The following UBA6 variants were observed in gnomAD, a reference collection of about 807,000 sequenced individuals.
The protein encoded by UBA6 is ubiquitin-like modifier-activating enzyme 6.
In UBA6, 87 loss-of-function variants were observed where a neutral mutation model predicts 148.3. That is an observed-to-expected ratio of 0.59 (90% confidence interval 0.49 to 0.70). The LOEUF (loss-of-function observed/expected upper bound fraction) is 0.70. Ranked by LOEUF, UBA6 falls within the 30% of genes least tolerant of loss-of-function variation. The pLI is 0.00. For synonymous variants in UBA6, 376 were observed against 401.0 expected (o/e 0.94, Z 0.75); for missense variants, 1,186 against 1,241.2 (o/e 0.96, Z 0.67).
Position 67,634,338 on chromosome 4 carries a change from GA to G in UBA6, c.1933-17del, listed in dbSNP as rs772197677. On this transcript the variant is annotated splice_polypyrimidine_tract_variant and intron_variant, in intron 21 of 32. Coordinates refer to ENST00000322244, the MANE Select transcript of UBA6 (RefSeq NM_018227.6). ...AACTTTCAAACTGTAACAGAGAAAA[GA>G]AAAAAAAAATTACAAATAGAAGTCT... 622 of 1,505,872 alleles carry G rather than the reference GA, an allele frequency of 4.1e-4. 2 individuals are homozygous for G. The highest frequency in any genetic ancestry group is 9.3e-4 in the South Asian group (72 of 77,470). 93.3% of individuals were successfully genotyped at this position (1,505,872 alleles called of 1,614,324 possible). A position where few individuals can be genotyped will look rare whatever the true frequency, so the allele number is the denominator to read the frequency against.
rs1423893159 is a variant in UBA6, at chr4:67,634,262, A to G, written c.1993T>C (p.Ser665Pro). The G allele has an allele frequency of 6.3e-7, 1 of 1,596,742 alleles. No individual in the cohort carries two copies. Among genetic ancestry groups the G allele is most frequent in the East Asian group, 2.2e-5 (1 of 44,582 alleles). The change falls in exon 22 of 33, where the codon TCT becomes CCT. Residue 665 changes from serine (S) to proline (P), a missense_variant. Ser to Pro is a moderately conservative substitution (Grantham distance 74). Transcript: ENST00000322244. ...LFNKFWQTYS[S>P]AEEVLQKIQS... is the part of the protein sequence containing the mutation. ...TTTACCTGTAAGACTTCTTCTGCAG[A>G]TGAATAGGTTTGCCAAAATTTGTTA...
At chr4:67,690,344 A>G (rs1730666105) in intron 2 of UBA6, among the ~76,000 whole-genome samples, 1 of 152,132 alleles carries the variant, frequency 6.6e-6, no homozygotes, top group Non-Finnish European at 1.5e-5. Flanking sequence ...CTGCAACTAT[A>G]AAACTCCCAG....
intron 32 of UBA6, among the ~76,000 whole-genome samples, chr4:67,619,864 CCT>C (rs947885949): frequency 7.2e-5 from 11 of 152,162 alleles, no homozygotes; most frequent in Admixed American, 7.2e-4. Flanking sequence ...TCTACACACC[CCT>C]TACATCATTG....
intron 11 of UBA6, 155 bp downstream of exon 11, chr4:67,663,730 A>G: frequency 1.9e-6 from 1 of 523,876 alleles, no homozygotes; most frequent in Non-Finnish European, 3.4e-6. Flanking sequence ...TCAGAAGTCA[A>G]CTTTAGATAT....
rs569263435 is a variant in UBA6 at position 67,668,000 on chromosome 4, A to G, written c.793+551T>C. 2.8e-4 allele frequency among the ~76,000 whole-genome samples: 43 copies of G among 152,242 alleles called. No homozygotes were observed. In the South Asian group the frequency reaches 8.7e-3, roughly 31 times the overall value. On this transcript the variant is annotated intron_variant, in intron 9 of 32. Coordinates refer to ENST00000322244, the MANE Select transcript of UBA6 (RefSeq NM_018227.6). Reference sequence around the variant, plus strand: ...CCTTTAAATACTTCATTGCCACCTCATTTTACAAAGCTAAACTATACTCTT... The same window carrying G: ...CCTTTAAATACTTCATTGCCACCTCGTTTTACAAAGCTAAACTATACTCTT...
In UBA6 at chr4:67,622,873, T is replaced by G; in HGVS notation, c.2981A>C (p.Tyr994Ser). Reference sequence around the variant, plus strand: ...TGCATGACCAGGCATTACAGGAACATAAAGCATTTTGACTCCCTGTACCAC... The same window carrying G: ...TGCATGACCAGGCATTACAGGAACAGAAAGCATTTTGACTCCCTGTACCAC... ...TMVVQGVKML[Y>S]VPVMPGHAKR... The change falls in exon 32 of 33, where the codon TAT becomes TCT. Residue 994 changes from tyrosine (Y) to serine (S), a missense_variant. Coordinates refer to ENST00000322244, the MANE Select transcript of UBA6 (RefSeq NM_018227.6). The G allele has an allele frequency of 1.9e-6, 3 of 1,613,390 alleles. No individual in the cohort carries two copies. Among genetic ancestry groups the G allele is most frequent in the Non-Finnish European group, 2.5e-6 (3 of 1,179,644 alleles).
intron 9 of UBA6, among the ~76,000 whole-genome samples, chr4:67,666,637 C>A (rs1490879307): frequency 6.6e-6 from 1 of 151,952 alleles, no homozygotes; most frequent in Non-Finnish European, 1.5e-5. Flanking sequence ...ACACTTTGGG[C>A]AGCCAAGGCG....
intron 1 of UBA6, among the ~76,000 whole-genome samples, chr4:67,700,561 A>C (rs1730954322): frequency 1.3e-5 from 2 of 151,928 alleles, no homozygotes; most frequent in Admixed American, 6.6e-5. Flanking sequence ...GAAGTCAACA[A>C]AGGCCTCAGG....
intron 6 of UBA6, 121 bp downstream of exon 6, chr4:67,677,490 A>G (rs570974712): frequency 2.0e-6 from 1 of 489,462 alleles, no homozygotes; most frequent in South Asian, 3.7e-5. Flanking sequence ...TATGTCTTCT[A>G]CCTTGAAATT....
At chr4:67,662,127 T>A in intron 13 of UBA6, 62 bp downstream of exon 13, 1 of 1,485,476 alleles carries the variant, frequency 6.7e-7, no homozygotes, top group Non-Finnish European at 9.4e-7. Context: ...AGAATACTAA[T>A]ATACAGAACA....
At chr4:67,665,125 T>C in intron 10 of UBA6, 64 bp downstream of exon 10, 5 of 972,096 alleles carry the variant, frequency 5.1e-6, no homozygotes, top group Non-Finnish European at 7.7e-6. Context: ...GAGTAGTTAT[T>C]TGTCTCTTCT....
Position 67,614,995 on chromosome 4 carries a change from A to G in UBA6, c.*4002T>C, listed in dbSNP as rs137886781. On this transcript the variant is annotated 3_prime_UTR_variant, in exon 33 of 33. Transcript: ENST00000322244. ...TAGAGAAATGCAGAGTGACACTTCA[A>G]TGAGATACAATTGCACATCCACCAG... The G allele has an allele frequency of 3.3e-4, 51 of 152,366 alleles. No individual in the cohort carries two copies. The highest frequency in any genetic ancestry group is 1.2e-3 in the African/African-American group (50 of 41,592). 9.4% of individuals were successfully genotyped at this position (152,366 alleles called of 1,614,324 possible). A position where few individuals can be genotyped will look rare whatever the true frequency, so the allele number is the denominator to read the frequency against.
intron 2 of UBA6, among the ~76,000 whole-genome samples, chr4:67,692,336 T>A (rs1452564134): frequency 6.6e-6 from 1 of 152,048 alleles, no homozygotes; most frequent in Non-Finnish European, 1.5e-5. Flanking sequence ...TTGAAAAAAA[T>A]TGCCACAAAG....
At chr4:67,666,739 G>A (rs959181365) in intron 9 of UBA6, among the ~76,000 whole-genome samples, 23 of 152,020 alleles carry the variant, frequency 1.5e-4, no homozygotes, top group African/African-American at 4.8e-5. Context: ...GCCAGGTGTG[G>A]TGGCACACAC....
chr4:67,620,105 C>T (rs12502000), intron 32 of UBA6, among the ~76,000 whole-genome samples: 34,550 of 151,976 alleles, frequency 0.23, 4,077 homozygotes, highest in Middle Eastern at 0.27. Flanking sequence ...TTCTTTCCAC[C>T]ATTCATGATC....
At chr4:67,638,734 A>G (rs770887933) in intron 19 of UBA6, among the ~76,000 whole-genome samples, 1 of 152,174 alleles carries the variant, frequency 6.6e-6, no homozygotes, top group Non-Finnish European at 1.5e-5. Flanking sequence ...GGTGAAAAGT[A>G]CTCCATGAAA....
chr4:67,676,432 A>G (rs758433772), intron 6 of UBA6, among the ~76,000 whole-genome samples: 1 of 152,206 alleles, frequency 6.6e-6, no homozygotes, highest in Non-Finnish European at 1.5e-5. Flanking sequence ...ATGGTTATGA[A>G]TTCCCCAGGA....
chr4:67,638,000 GA>G (rs1292921915), intron 19 of UBA6, among the ~76,000 whole-genome samples: 3 of 151,082 alleles, frequency 2.0e-5, no homozygotes, highest in South Asian at 2.1e-4. Flanking sequence ...AAAGGATGAA[GA>G]AAAAAAGCTA....
At chr4:67,664,757 G>A (rs1200755838) in intron 10 of UBA6, among the ~76,000 whole-genome samples, 1 of 151,930 alleles carries the variant, frequency 6.6e-6, no homozygotes, top group African/African-American at 2.4e-5. Flanking sequence ...TAAAAACCAG[G>A]ATTAACAAGT....
Sources: gnomAD v4.1 joint callset for allele counts (sites outside exome capture counted in the v4.1 genomes callset) on GRCh38, gnomAD v4.1.1 for gene constraint, MANE v1.5 for transcripts, NCBI Gene and HGNC (gene_info 2026-07-23, HGNC 2026-07-21) for gene names.